Variants in DGKI observed in about 807,000 individuals in gnomAD.
DGKI encodes the protein diacylglycerol kinase iota.
DGKI carries 55 observed loss-of-function variants against 147.5 expected under a neutral mutation model. The observed-to-expected ratio is 0.37, with a 90% CI of 0.30 to 0.47. The LOEUF is 0.47. Among genes scored for constraint, DGKI ranks in the 20% least tolerant of loss-of-function variants. The probability of loss-of-function intolerance (pLI) is 1.00; values close to 1 mark genes in which losing one functional copy is unlikely to be tolerated. For missense variants in DGKI, 1,007 were observed against 1,323.8 expected (o/e 0.76, Z 3.71); for synonymous variants, 469 against 477.1 (o/e 0.98, Z 0.22).
chr7:137,724,919 C>A (rs1794677207), intron 1 of DGKI, among the ~76,000 whole-genome samples: 1 of 152,114 alleles, frequency 6.6e-6, no homozygotes, highest in South Asian at 2.1e-4. Flanking sequence ...TCATACTGCA[C>A]CCAGGGGCTC....
At chr7:137,592,498 G>A (rs964477524) in intron 12 of DGKI, among the ~76,000 whole-genome samples, 2 of 152,200 alleles carry the variant, frequency 1.3e-5, no homozygotes, top group African/African-American at 4.8e-5. Flanking sequence ...GTCACTGAAT[G>A]TTTACCAAGT....
intron 3 of DGKI, among the ~76,000 whole-genome samples, chr7:137,667,789 C>A (rs927257854): frequency 6.6e-6 from 1 of 152,188 alleles, no homozygotes; most frequent in Non-Finnish European, 1.5e-5. Flanking sequence ...GGAAGACCCA[C>A]AGACATCTCA....
At chr7:137,786,585 C>T (rs544024223) in intron 1 of DGKI, among the ~76,000 whole-genome samples, 16 of 151,858 alleles carry the variant, frequency 1.1e-4, no homozygotes, top group Non-Finnish European at 1.5e-4. Flanking sequence ...ATCAAAATAC[C>T]ACCATCATTC....
At chr7:137,428,186 C>CA (rs1353819106) in intron 28 of DGKI, among the ~76,000 whole-genome samples, 22 of 148,124 alleles carry the variant, frequency 1.5e-4, no homozygotes, top group Admixed American at 2.0e-4. Context: ...AGCAGCACAT[C>CA]AAAAAGCTTA....
chr7:137,572,856 G>C lies in DGKI; in HGVS notation c.1762-18C>G. The C allele has an allele frequency of 1.3e-6, 2 of 1,591,918 alleles. No homozygotes were observed. Among genetic ancestry groups the C allele is most frequent in the South Asian group, 2.3e-5 (2 of 87,716 alleles). ...CCATCACACTGAAACAATGAAAACAGAAAAGGGGTTTTGAAGTAGTCACAA... is the reference window on the plus strand; with the variant it reads ...CCATCACACTGAAACAATGAAAACACAAAAGGGGTTTTGAAGTAGTCACAA... On this transcript the variant is annotated intron_variant, in intron 17 of 32. Coordinates refer to ENST00000614521, the MANE Select transcript of DGKI (RefSeq NM_001321708.2).
chr7:137,455,211 C>T (rs1036824157), intron 27 of DGKI, among the ~76,000 whole-genome samples: 5 of 152,162 alleles, frequency 3.3e-5, no homozygotes, highest in Non-Finnish European at 7.4e-5. Context: ...CTCCTCCCAC[C>T]CCACCCTTCT....
In DGKI at chr7:137,386,894, C is replaced by T. The variant is rs1224715284; in HGVS notation, c.*4326G>A. 6.6e-6 allele frequency: 1 copy of T among 152,066 alleles called. No individual in the cohort carries two copies. Among genetic ancestry groups the T allele is most frequent in the South Asian group, 2.1e-4 (1 of 4,818 alleles). 9.4% of individuals were successfully genotyped at this position (152,066 alleles called of 1,614,324 possible). A position where few individuals can be genotyped will look rare whatever the true frequency, so the allele number is the denominator to read the frequency against. On this transcript the variant is annotated 3_prime_UTR_variant, in exon 33 of 33. Transcript: ENST00000614521. Reference sequence around the variant, plus strand: ...GAAAGCTAATTTATTAGATGTTTTTCTACTTCTTTTCCTAAAATGAATATA... The same window carrying T: ...GAAAGCTAATTTATTAGATGTTTTTTTACTTCTTTTCCTAAAATGAATATA...
rs76868402 is a variant in DGKI at position 137,815,266 on chromosome 7, G to A, written c.401+31196C>T. Among the ~76,000 whole-genome samples, 372 of 152,202 alleles carry A rather than the reference G, an allele frequency of 2.4e-3. 3 individuals carry two copies. Among genetic ancestry groups the A allele is most frequent in the African/African-American group, 8.5e-3 (354 of 41,524 alleles). On this transcript the variant is annotated intron_variant, in intron 1 of 32. Coordinates refer to ENST00000614521, the MANE Select transcript of DGKI (RefSeq NM_001321708.2). Reference sequence around the variant, plus strand: ...GAGAGGAGGGAGAATTCAGAAACTCGTCTTCCATATGTGAAGCCAACATGG... The same window carrying A: ...GAGAGGAGGGAGAATTCAGAAACTCATCTTCCATATGTGAAGCCAACATGG...
chr7:137,694,146 C>A (rs1823704964), intron 1 of DGKI, among the ~76,000 whole-genome samples: 1 of 151,910 alleles, frequency 6.6e-6, no homozygotes, highest in African/African-American at 2.4e-5. Flanking sequence ...ACGGTGAAAC[C>A]CCATCTCTAC....
At position 137,465,924 on chromosome 7, in the gene DGKI, C is replaced by T. The variant is rs760571595; in HGVS notation, c.2596G>A (p.Val866Met). ...GTPPGMPDLV[V>M]EQASGISDWW... ...CACACTCACCCCGAGGCTTGTTCCA[C>T]CACCAGGTCAGGCATGCCCGGAGGT... Residue 866 changes from valine to methionine, a missense_variant, in exon 26 of 33, where the codon GTG becomes ATG. By Grantham distance (21) the Val-to-Met change is conservative. Coordinates refer to ENST00000614521, the MANE Select transcript of DGKI (RefSeq NM_001321708.2). 2 of 1,614,008 alleles carry T rather than the reference C, an allele frequency of 1.2e-6. No homozygotes were observed. Among genetic ancestry groups the T allele is most frequent in the East Asian group, 2.2e-5 (1 of 44,884 alleles).
intron 8 of DGKI, among the ~76,000 whole-genome samples, chr7:137,616,715 C>T (rs1041842482): frequency 2.6e-5 from 4 of 152,018 alleles, no homozygotes; most frequent in African/African-American, 9.7e-5. Flanking sequence ...TACATAAAAA[C>T]ATAATTAAGT....
intron 1 of DGKI, among the ~76,000 whole-genome samples, chr7:137,794,337 T>C (rs1796959458): frequency 6.6e-6 from 1 of 152,198 alleles, no homozygotes; most frequent in Admixed American, 6.5e-5. Context: ...CATAAAGAGT[T>C]ACAAGAAGGA....
chr7:137,582,432 C>CTATA (rs1489619926), intron 14 of DGKI, among the ~76,000 whole-genome samples: 18 of 150,324 alleles, frequency 1.2e-4, no homozygotes, highest in African/African-American at 4.2e-4. Context: ...CTCTCTCTCT[C>CTATA]TCTATATATA....
intron 1 of DGKI, among the ~76,000 whole-genome samples, chr7:137,752,783 T>C (rs1242385153): frequency 6.6e-6 from 1 of 152,174 alleles, no homozygotes. Flanking sequence ...AGCTTGGTTT[T>C]TGGAGATGTG....
intron 19 of DGKI, among the ~76,000 whole-genome samples, chr7:137,563,725 T>A (rs1818492577): frequency 6.6e-6 from 1 of 151,990 alleles, no homozygotes; most frequent in Admixed American, 6.6e-5. Flanking sequence ...AGAAATAAAT[T>A]TAACAAAAGG....
At chr7:137,784,713 A>G (rs964926999) in intron 1 of DGKI, among the ~76,000 whole-genome samples, 1 of 152,152 alleles carries the variant, frequency 6.6e-6, no homozygotes, top group Admixed American at 6.5e-5. Context: ...AAGATAGACC[A>G]TATGATAGGC....
intron 21 of DGKI, among the ~76,000 whole-genome samples, chr7:137,517,561 A>C (rs1816823807): frequency 6.6e-6 from 1 of 152,174 alleles, no homozygotes; most frequent in Non-Finnish European, 1.5e-5. Flanking sequence ...ATAGTAATGT[A>C]GCAATATCAG....
chr7:137,468,077 T>G (rs183556736), intron 24 of DGKI, among the ~76,000 whole-genome samples: 49 of 151,844 alleles, frequency 3.2e-4, no homozygotes, highest in Admixed American at 1.0e-3. Context: ...AAATAGATTT[T>G]CTACAAAACA....
At chr7:137,844,226 G>A (rs10233527) in intron 1 of DGKI, among the ~76,000 whole-genome samples, 1,977 of 152,302 alleles carry the variant, frequency 0.013, 31 homozygotes, top group African/African-American at 0.044. Flanking sequence ...AAGTAACAGT[G>A]ATCAAAATGG....
Sources: gnomAD v4.1 joint callset for allele counts (sites outside exome capture counted in the v4.1 genomes callset) on GRCh38, gnomAD v4.1.1 for gene constraint, MANE v1.5 for transcripts, NCBI Gene and HGNC (gene_info 2026-07-23, HGNC 2026-07-21) for gene names.